Variants in DAB1 observed in about 807,000 individuals in gnomAD.
The protein encoded by DAB1 is disabled homolog 1.
Under a neutral mutation model 64.6 loss-of-function variants are expected in DAB1, and 15 were observed. The observed-to-expected ratio is 0.23, with a 90% CI of 0.16 to 0.36. DAB1 has a LOEUF of 0.36. DAB1 is among the 10% of genes least tolerant of loss of function. DAB1 has a pLI of 1.00. For missense variants in DAB1, 596 were observed against 706.7 expected (o/e 0.84, Z 1.78); for synonymous variants, 235 against 251.9 (o/e 0.93, Z 0.64).
intron 7 of DAB1, among the ~76,000 whole-genome samples, chr1:57,490,810 C>A (rs1426229326): frequency 6.6e-6 from 1 of 152,316 alleles, no homozygotes; most frequent in East Asian, 1.9e-4. Context: ...ATTAAGTGGA[C>A]TTCAATGCCA....
chr1:57,472,186 A>G (rs773183504), intron 7 of DAB1, among the ~76,000 whole-genome samples: 1 of 152,234 alleles, frequency 6.6e-6, no homozygotes, highest in Non-Finnish European at 1.5e-5. Context: ...TTCCCTGCAC[A>G]TGTTCTTGGT....
chr1:57,157,301 A>G (rs1660320440), intron 2 of DAB1, among the ~76,000 whole-genome samples: 1 of 152,078 alleles, frequency 6.6e-6, no homozygotes, highest in African/African-American at 2.4e-5. Flanking sequence ...ACTCCAACAT[A>G]TTTCTTATAT....
At chr1:57,809,021 T>G (rs1651496455) in intron 6 of DAB1, among the ~76,000 whole-genome samples, 1 of 152,140 alleles carries the variant, frequency 6.6e-6, no homozygotes, top group Non-Finnish European at 1.5e-5. Context: ...TCACAGAAGC[T>G]CCTCGGAAAA....
At chr1:57,072,229 A>T in intron 5 of DAB1, 54 bp downstream of exon 5, 1 of 1,603,410 alleles carries the variant, frequency 6.2e-7, no homozygotes, top group East Asian at 2.2e-5. Flanking sequence ...GAGTCACTGG[A>T]CTGTCCCCCC....
rs146014235 is a variant in DAB1, at chr1:57,264,961, C to T, written c.67+26003G>A. ...GAGTTTTACTGTAACCTCATTTAATCCTCCCCTTAAATAACCCTTAGAAGT... is the reference window on the plus strand; with the variant it reads ...GAGTTTTACTGTAACCTCATTTAATTCTCCCCTTAAATAACCCTTAGAAGT... On this transcript the variant is annotated intron_variant, in intron 2 of 14. Coordinates refer to ENST00000371236, the MANE Select transcript of DAB1 (RefSeq NM_001365792.1). 1.1e-3 allele frequency among the ~76,000 whole-genome samples: 168 copies of T among 152,282 alleles called. 1 individual carries two copies. Among genetic ancestry groups the T allele is most frequent in the African/African-American group, 3.9e-3 (164 of 41,552 alleles).
intron 3 of DAB1, among the ~76,000 whole-genome samples, chr1:58,385,066 CATGTT>C (rs1333460245): frequency 6.6e-6 from 1 of 152,170 alleles, no homozygotes; most frequent in Non-Finnish European, 1.5e-5. Context: ...GGGTAAAACT[CATGTT>C]AAGTGTTCTT....
chr1:58,222,670 G>C (rs1227104664), intron 4 of DAB1, among the ~76,000 whole-genome samples: 1 of 152,208 alleles, frequency 6.6e-6, no homozygotes, highest in Non-Finnish European at 1.5e-5. Context: ...ATAAGAGGCA[G>C]AGCCTAATGC....
chr1:58,533,873 A>C (rs1215724435), intron 1 of DAB1: 1 of 790,634 alleles, frequency 1.3e-6, no homozygotes, highest in Non-Finnish European at 2.3e-6. Flanking sequence ...AAACCTGAAA[A>C]AAATCAGTTC....
intron 5 of DAB1, among the ~76,000 whole-genome samples, chr1:58,065,639 G>A (rs1441968308): frequency 1.3e-5 from 2 of 152,136 alleles, no homozygotes; most frequent in East Asian, 3.9e-4. Context: ...CAGTGGCCAT[G>A]GTCAAGTTGG....
intron 4 of DAB1, among the ~76,000 whole-genome samples, chr1:58,265,619 T>C (rs1661141535): frequency 6.6e-6 from 1 of 152,242 alleles, no homozygotes; most frequent in Non-Finnish European, 1.5e-5. Context: ...ATTCTGTTTA[T>C]GGCAAAATCT....
rs147947828 is a variant in DAB1 at position 57,750,186 on chromosome 1, T to C, written n.552-100521A>G. 2.0e-5 allele frequency among the ~76,000 whole-genome samples: 3 copies of C among 152,286 alleles called. No individual in the cohort carries two copies. In the East Asian group the frequency reaches 5.8e-4, roughly 29 times the overall value. Reference sequence around the variant, plus strand: ...TATTCAAAAGCTCTCAATTAACACATATTTAGTATTGATCACCTTGAAGAT... The same window carrying C: ...TATTCAAAAGCTCTCAATTAACACACATTTAGTATTGATCACCTTGAAGAT... On this transcript the variant is annotated intron_variant and non_coding_transcript_variant, in intron 6 of 20. Transcript: ENST00000485760.
At chr1:58,201,065 G>A (rs1283973525) in intron 4 of DAB1, among the ~76,000 whole-genome samples, 1 of 150,882 alleles carries the variant, frequency 6.6e-6, no homozygotes, top group South Asian at 2.1e-4. Context: ...CGCCCAGGCT[G>A]GGGTGCAGTG....
intron 7 of DAB1, among the ~76,000 whole-genome samples, chr1:57,571,089 C>T (rs1310806908): frequency 6.6e-6 from 1 of 152,110 alleles, no homozygotes; most frequent in African/African-American, 2.4e-5. Flanking sequence ...TTTATCTGTT[C>T]TAAGAGCTTT....
intron 5 of DAB1, among the ~76,000 whole-genome samples, chr1:58,034,934 T>A (rs1189226532): frequency 1.3e-5 from 2 of 152,206 alleles, no homozygotes; most frequent in Admixed American, 6.5e-5. Context: ...TCCTCTCAAG[T>A]GGGAGAGTCT....
chr1:57,059,972 C>T (rs950770388), intron 9 of DAB1, among the ~76,000 whole-genome samples: 3 of 152,064 alleles, frequency 2.0e-5, no homozygotes, highest in Admixed American at 6.6e-5. Flanking sequence ...GGTTGGGAGC[C>T]ACTGCATGCC....
intron 6 of DAB1, among the ~76,000 whole-genome samples, chr1:57,820,997 G>T (rs1258976103): frequency 6.6e-6 from 1 of 151,990 alleles, no homozygotes; most frequent in East Asian, 1.9e-4. Context: ...AAACCTCTAA[G>T]CCTGGCCAAC....
At chr1:57,401,823 C>A (rs532648411) in intron 1 of DAB1, among the ~76,000 whole-genome samples, 1 of 152,302 alleles carries the variant, frequency 6.6e-6, no homozygotes, top group African/African-American at 2.4e-5. Context: ...TTTGCCTGCA[C>A]AAAGGTAACT....
At chr1:58,443,323 A>T (rs148608814) in intron 3 of DAB1, among the ~76,000 whole-genome samples, 36 of 152,370 alleles carry the variant, frequency 2.4e-4, no homozygotes, top group Admixed American at 1.2e-3. Context: ...TCTCCTAAAT[A>T]GTTAATGTAA....
intron 3 of DAB1, among the ~76,000 whole-genome samples, chr1:58,403,676 G>A (rs955174496): frequency 3.3e-5 from 5 of 152,156 alleles, no homozygotes; most frequent in African/African-American, 7.2e-5. Flanking sequence ...CCACTTTCAC[G>A]GGGTTGTGAG....
Sources: gnomAD v4.1 joint callset for allele counts (sites outside exome capture counted in the v4.1 genomes callset) on GRCh38, gnomAD v4.1.1 for gene constraint, MANE v1.5 for transcripts, NCBI Gene and HGNC (gene_info 2026-07-23, HGNC 2026-07-21) for gene names.